The following ABCB1 variants were observed in gnomAD, a reference collection of about 807,000 sequenced individuals.
The protein encoded by ABCB1 is ATP-dependent translocase ABCB1.
ABCB1 carries 69 observed loss-of-function variants against 142.0 expected under a neutral mutation model. The observed-to-expected ratio is 0.49, with a 90% CI of 0.40 to 0.59. The LOEUF (loss-of-function observed/expected upper bound fraction) is 0.59, where lower values mean the gene tolerates loss of function less well. Among genes scored for constraint, ABCB1 ranks in the 20% least tolerant of loss-of-function variants. ABCB1 has a pLI of 0.00. For missense variants in ABCB1, 1,326 were observed against 1,554.7 expected (o/e 0.85, Z 2.47); for synonymous variants, 532 against 539.2 (o/e 0.99, Z 0.18).
chr7:87,682,617 G>A (rs2130597362), intron 1 of ABCB1, among the ~76,000 whole-genome samples: 1 of 152,302 alleles, frequency 6.6e-6, no homozygotes, highest in East Asian at 1.9e-4. Flanking sequence ...ACTTTGAAAG[G>A]AATCTTTTTT....
intron 21 of ABCB1, chr7:87,522,212 G>T: frequency 7.7e-7 from 1 of 1,305,568 alleles, no homozygotes; most frequent in East Asian, 2.3e-5. Context: ...GGTAATCATG[G>T]AAGCAATTTT....
chr7:87,520,595 C>T (rs1403171944), intron 22 of ABCB1, among the ~76,000 whole-genome samples, 181 bp downstream of exon 22: 1 of 152,168 alleles, frequency 6.6e-6, no homozygotes, highest in Non-Finnish European at 1.5e-5. Flanking sequence ...AGAGATGTCC[C>T]TGCCTTAGTT....
At chr7:87,567,113 A>C (rs1240796714) in intron 5 of ABCB1, 137 bp from the exon 6 acceptor site, 2 of 790,990 alleles carry the variant, frequency 2.5e-6, no homozygotes, top group African/African-American at 1.7e-5. Flanking sequence ...GGTTGTAACA[A>C]GCAGAGTTGA....
chr7:87,554,483 T>A (rs947146843), intron 8 of ABCB1, among the ~76,000 whole-genome samples: 1 of 152,216 alleles, frequency 6.6e-6, no homozygotes, highest in Admixed American at 6.5e-5. Context: ...GAGTTCTGAA[T>A]TGCCATGTAA....
intron 1 of ABCB1, among the ~76,000 whole-genome samples, chr7:87,610,702 G>A (rs1423794346): frequency 1.3e-5 from 2 of 152,084 alleles, no homozygotes; most frequent in African/African-American, 4.8e-5. Flanking sequence ...CTTTGTTACT[G>A]TTTAAGACAA....
At chr7:87,628,852 G>A (rs1368547655) in intron 1 of ABCB1, 2 of 1,272,444 alleles carry the variant, frequency 1.6e-6, no homozygotes, top group South Asian at 3.8e-5. Context: ...GGGGGCCTGA[G>A]CGGGATCCGC....
chr7:87,629,131 GC>G (rs1820937021), intron 1 of ABCB1: 1 of 465,346 alleles, frequency 2.1e-6, no homozygotes, highest in Admixed American at 4.4e-5. Flanking sequence ...CACCGTCGCA[GC>G]CCTGGACTTT....
In ABCB1 at chr7:87,533,120, G is replaced by A. The variant is rs371857751; in HGVS notation, c.2482-1623C>T. Among the ~76,000 whole-genome samples, 21 of 152,164 alleles carry A rather than the reference G, an allele frequency of 1.4e-4. No individual in the cohort carries two copies. The East Asian group carries it at 3.9e-3, about 28-fold the overall frequency. On this transcript the variant is annotated intron_variant, in intron 20 of 27. Transcript: ENST00000622132. ...TAAAGGGATGATTTGCCAAATTTGG[G>A]ATAAATCAGACTGGAATGGTTTTCA...
chr7:87,650,682 G>C (rs975788952), intron 1 of ABCB1: 15 of 615,224 alleles, frequency 2.4e-5, no homozygotes, highest in Admixed American at 5.8e-5. Flanking sequence ...GAGTAAATTT[G>C]AATAAATGGG....
At chr7:87,613,335 C>T (rs1819926254) in intron 1 of ABCB1, among the ~76,000 whole-genome samples, 1 of 139,598 alleles carries the variant, frequency 7.2e-6, no homozygotes, top group East Asian at 2.1e-4. Flanking sequence ...AAGAGAACTA[C>T]CAATTGGCCC....
chr7:87,626,974 C>G (rs2130141396), intron 1 of ABCB1, among the ~76,000 whole-genome samples: 1 of 152,196 alleles, frequency 6.6e-6, no homozygotes, highest in African/African-American at 2.4e-5. Flanking sequence ...TGGGGTTTCA[C>G]TATGTTGGTC....
Position 87,544,852 on chromosome 7 carries a change from C to G in ABCB1, c.2035G>C (p.Asp679His), listed in dbSNP as rs952145392. 1.2e-6 allele frequency: 2 copies of G among 1,613,948 alleles called. No individual in the cohort carries two copies. Among genetic ancestry groups the G allele is most frequent in the African/African-American group, 1.3e-5 (1 of 74,902 alleles). Reference sequence around the variant, plus strand: ...GCCTCTTTGGTACTAAGCTTTCTGTCTTGGGCTTGTGATCCACGGACACTC... The same window carrying G: ...GCCTCTTTGGTACTAAGCTTTCTGTGTTGGGCTTGTGATCCACGGACACTC... ...RRSVRGSQAQ[D>H]RKLSTKEALD... Residue 679 changes from aspartate to histidine, a missense_variant, in exon 16 of 28, where the codon GAC becomes CAC. Transcript: ENST00000622132.
intron 14 of ABCB1, among the ~76,000 whole-genome samples, chr7:87,547,624 C>T (rs1013869911): frequency 6.6e-6 from 1 of 152,016 alleles, no homozygotes; most frequent in Non-Finnish European, 1.5e-5. Context: ...AATCCCAGCA[C>T]TTTGGGAGGC....
At chr7:87,576,979 T>C (rs1404073821) in intron 4 of ABCB1, among the ~76,000 whole-genome samples, 1 of 152,186 alleles carries the variant, frequency 6.6e-6, no homozygotes, top group African/African-American at 2.4e-5. Context: ...GTAGTCACCC[T>C]GTTGTGTGAT....
intron 2 of ABCB1, 87 bp from the exon 3 acceptor site, chr7:87,595,901 G>T: frequency 9.8e-7 from 1 of 1,015,972 alleles, no homozygotes; most frequent in South Asian, 1.4e-5. Flanking sequence ...TATATTTAAT[G>T]ACTAATAGGA....
chr7:87,704,645 A>T (rs1004826666), intron 1 of ABCB1, among the ~76,000 whole-genome samples: 26 of 152,218 alleles, frequency 1.7e-4, no homozygotes, highest in African/African-American at 4.8e-5. Context: ...ACTGGTATTG[A>T]GAATCAAAAC....
intron 4 of ABCB1, among the ~76,000 whole-genome samples, chr7:87,574,512 C>A (rs1003903893): frequency 6.6e-6 from 1 of 152,114 alleles, no homozygotes; most frequent in Non-Finnish European, 1.5e-5. Context: ...CCCTTTCTAG[C>A]GTCAACTCAC....
chr7:87,557,099 T>C (rs887975689), intron 8 of ABCB1, among the ~76,000 whole-genome samples: 1 of 152,180 alleles, frequency 6.6e-6, no homozygotes, highest in Non-Finnish European at 1.5e-5. Context: ...CCATTCATCA[T>C]CCTCACACTC....
At chr7:87,559,644 G>T (rs918506907) in intron 8 of ABCB1, among the ~76,000 whole-genome samples, 3 of 151,152 alleles carry the variant, frequency 2.0e-5, no homozygotes, top group Non-Finnish European at 4.4e-5. Context: ...CAATAATTTT[G>T]TATTTCTTCT....
Sources: gnomAD v4.1 joint callset for allele counts (sites outside exome capture counted in the v4.1 genomes callset) on GRCh38, gnomAD v4.1.1 for gene constraint, MANE v1.5 for transcripts, NCBI Gene and HGNC (gene_info 2026-07-23, HGNC 2026-07-21) for gene names.